WDR72: variants seen among roughly 807,000 people sequenced by gnomAD.
The protein encoded by WDR72 is WD repeat domain 72, also known as WD repeat-containing protein 72.
WDR72 carries 120 observed loss-of-function variants against 124.2 expected under a neutral mutation model. The observed-to-expected ratio is 0.97, with a 90% CI of 0.83 to 1.12. The LOEUF (loss-of-function observed/expected upper bound fraction) is 1.12. Among genes scored for constraint, WDR72 ranks in the 50% most tolerant of loss-of-function variants. The pLI is 0.00. For synonymous variants in WDR72, 452 were observed against 441.7 expected (o/e 1.02, Z -0.29); for missense variants, 1,387 against 1,278.8 (o/e 1.08, Z -1.29).
chr15:53,753,846 C>T (rs1306092114), intron 1 of WDR72, among the ~76,000 whole-genome samples: 1 of 152,160 alleles, frequency 6.6e-6, no homozygotes. Context: ...AAGTAATCCA[C>T]ACATCTACCA....
intron 13 of WDR72, among the ~76,000 whole-genome samples, chr15:53,694,866 C>A (rs1231643641): frequency 6.6e-6 from 1 of 152,164 alleles, no homozygotes; most frequent in Non-Finnish European, 1.5e-5. Context: ...AAAGAACAAT[C>A]ATCATTCTCA....
At chr15:53,575,022 C>T (rs1052411764) in intron 18 of WDR72, among the ~76,000 whole-genome samples, 1 of 151,736 alleles carries the variant, frequency 6.6e-6, no homozygotes, top group African/African-American at 2.4e-5. Flanking sequence ...CACACACACA[C>T]ACACACACAC....
At chr15:53,543,664 T>C (rs1595747986) in intron 18 of WDR72, among the ~76,000 whole-genome samples, 1 of 150,722 alleles carries the variant, frequency 6.6e-6, no homozygotes, top group African/African-American at 2.4e-5. Flanking sequence ...CTGAAGGAAA[T>C]AGAGACACAA....
intron 18 of WDR72, among the ~76,000 whole-genome samples, chr15:53,559,101 C>A (rs538457255): frequency 6.6e-6 from 1 of 151,852 alleles, no homozygotes; most frequent in Non-Finnish European, 1.5e-5. Context: ...GCAACGCCAA[C>A]GTTAAATGGT....
At chr15:53,550,019 C>T (rs960345782) in intron 18 of WDR72, among the ~76,000 whole-genome samples, 1 of 152,070 alleles carries the variant, frequency 6.6e-6, no homozygotes, top group African/African-American at 2.4e-5. Flanking sequence ...CTCCAGAAAG[C>T]GGAAGTTCAA....
intron 18 of WDR72, among the ~76,000 whole-genome samples, chr15:53,540,734 G>C (rs753128433): frequency 1.1e-4 from 16 of 152,122 alleles, no homozygotes; most frequent in Non-Finnish European, 1.6e-4. Context: ...CTGAGGTACC[G>C]GGTTCATCTC....
chr15:53,667,857 T>C (rs1337358754), intron 13 of WDR72, among the ~76,000 whole-genome samples: 3 of 152,246 alleles, frequency 2.0e-5, no homozygotes, highest in African/African-American at 4.8e-5. Context: ...CCTAATGTCT[T>C]ACCCAAATAC....
intron 18 of WDR72, among the ~76,000 whole-genome samples, chr15:53,578,413 G>A (rs1211962302): frequency 1.3e-5 from 2 of 152,118 alleles, no homozygotes; most frequent in Admixed American, 1.3e-4. Context: ...ACTCTCCACG[G>A]CTGCCCTTCT....
At chr15:53,593,756 T>C (rs1025705961) in intron 18 of WDR72, among the ~76,000 whole-genome samples, 4 of 151,242 alleles carry the variant, frequency 2.6e-5, no homozygotes, top group Non-Finnish European at 4.4e-5. Context: ...AGTGAGGCAC[T>C]GTGTCAAAAA....
chr15:53,706,344 GTGTGTGTATATATATATA>G (rs2017357714), intron 9 of WDR72, among the ~76,000 whole-genome samples: 2 of 46,082 alleles, frequency 4.3e-5, no homozygotes, highest in Admixed American at 4.5e-4. Context: ...GTGTGTGTGT[GTGTGTGTATATATATATA>G]TATATATATA....
intron 18 of WDR72, among the ~76,000 whole-genome samples, chr15:53,530,974 C>T (rs903825120): frequency 1.6e-4 from 24 of 152,132 alleles, no homozygotes; most frequent in African/African-American, 5.8e-4. Context: ...ACAGCCATCT[C>T]TATCTCAAGG....
At chr15:53,602,864 A>G (rs749229319) in intron 17 of WDR72, among the ~76,000 whole-genome samples, 2 of 152,102 alleles carry the variant, frequency 1.3e-5, no homozygotes, top group African/African-American at 2.4e-5. Flanking sequence ...AACCGAAAAA[A>G]GCCCAGGACC....
At chr15:53,679,276 C>A (rs1401292615) in intron 13 of WDR72, among the ~76,000 whole-genome samples, 1 of 152,208 alleles carries the variant, frequency 6.6e-6, no homozygotes, top group African/African-American at 2.4e-5. Flanking sequence ...CTTAATGCCA[C>A]TGAACTGTAC....
At chr15:53,547,321 G>A (rs776352345) in intron 18 of WDR72, among the ~76,000 whole-genome samples, 6 of 152,124 alleles carry the variant, frequency 3.9e-5, no homozygotes, top group South Asian at 2.1e-4. Flanking sequence ...TGGTAGAGAC[G>A]GGGCTTCTCC....
At position 53,514,248 on chromosome 15, in the gene WDR72, T is replaced by G. The variant is rs1251018186; in HGVS notation, c.*3451A>C. On this transcript the variant is annotated 3_prime_UTR_variant, in exon 20 of 20. Transcript: ENST00000360509. ...ATATAAGACAACATTTTGTGGAGAA[T>G]AAAGGAGTCTATAACACCGCTTTTA... The G allele has an allele frequency of 6.6e-6, 1 of 152,166 alleles. No homozygotes were observed. The highest frequency in any genetic ancestry group is 6.5e-5 in the Admixed American group (1 of 15,278). 9.4% of individuals were successfully genotyped at this position (152,166 alleles called of 1,614,324 possible). A position where few individuals can be genotyped will look rare whatever the true frequency, so the allele number is the denominator to read the frequency against.
At chr15:53,682,366 G>A (rs890317383) in intron 13 of WDR72, among the ~76,000 whole-genome samples, 15 of 151,726 alleles carry the variant, frequency 9.9e-5, no homozygotes, top group African/African-American at 3.4e-4. Flanking sequence ...ATGTAAAGAT[G>A]TACACTGGGT....
intron 18 of WDR72, among the ~76,000 whole-genome samples, chr15:53,552,972 G>A (rs368704757): frequency 6.6e-6 from 1 of 152,006 alleles, no homozygotes; most frequent in African/African-American, 2.4e-5. Context: ...TCAAATCATA[G>A]CCAAGAAAAA....
At chr15:53,580,027 C>A (rs972660871) in intron 18 of WDR72, among the ~76,000 whole-genome samples, 1 of 151,988 alleles carries the variant, frequency 6.6e-6, no homozygotes, top group East Asian at 1.9e-4. Context: ...GCTGGTACTA[C>A]GGTAGGCTCT....
intron 18 of WDR72, among the ~76,000 whole-genome samples, chr15:53,565,788 G>GA (rs1180911256): frequency 6.6e-6 from 1 of 151,308 alleles, no homozygotes; most frequent in African/African-American, 2.4e-5. Flanking sequence ...CAGAATTTTT[G>GA]AGTCAAAGGG....
Sources: gnomAD v4.1 joint callset for allele counts (sites outside exome capture counted in the v4.1 genomes callset) on GRCh38, gnomAD v4.1.1 for gene constraint, MANE v1.5 for transcripts, NCBI Gene and HGNC (gene_info 2026-07-23, HGNC 2026-07-21) for gene names.